Variants in PSG4 observed in about 807,000 individuals in gnomAD.
PSG4 encodes pregnancy specific beta-1-glycoprotein 4.
Under a neutral mutation model 44.3 loss-of-function variants are expected in PSG4, and 61 were observed. The observed-to-expected ratio is 1.38, with a 90% CI of 1.12 to 1.70. The LOEUF is 1.70. Ranked by LOEUF, PSG4 falls within the 40% of genes most tolerant of loss-of-function variation. PSG4 has a pLI of 0.00. For synonymous variants in PSG4, 248 were observed against 191.3 expected, an observed-to-expected ratio of 1.30 and a Z score of -2.45; for missense variants, 677 against 511.7, an observed-to-expected ratio of 1.32 and a Z score of -3.12.
chr19:43,195,054 C>A lies in PSG4; in HGVS notation c.929G>T (p.Cys310Phe). 3.1e-6 allele frequency: 5 copies of A among 1,611,894 alleles called. No homozygotes were observed. The South Asian group carries it at 4.4e-5, about 14-fold the overall frequency. Residue 310 changes from cysteine (C) to phenylalanine (F), a missense_variant, in exon 4 of 6, where the codon TGT becomes TTT. By Grantham distance (205) the Cys-to-Phe change is radical. Coordinates refer to ENST00000405312, the MANE Select transcript of PSG4 (RefSeq NM_002780.5). ...VTRNETGPYQ[C>F]EIRDRYGGIR... Reference sequence around the variant, plus strand: ...GCCACCATATCGGTCCCGTATTTCACATTGATAAGGTCCTGTTTCATTTCT... The same window carrying A: ...GCCACCATATCGGTCCCGTATTTCAAATTGATAAGGTCCTGTTTCATTTCT...
chr19:43,201,272 A>C (rs901257974), intron 2 of PSG4, among the ~76,000 whole-genome samples: 2 of 145,704 alleles, frequency 1.4e-5, no homozygotes, highest in African/African-American at 2.6e-5. Context: ...CCATAAAACT[A>C]ACACCCTTAC....
At chr19:43,198,454 C>G in intron 2 of PSG4, 179 bp from the exon 3 acceptor site, 1 of 1,157,774 alleles carries the variant, frequency 8.6e-7, no homozygotes, top group Non-Finnish European at 1.2e-6. Flanking sequence ...GATTGTGAGG[C>G]TGCCTGCTTT....
At chr19:43,200,614 T>C (rs1284494597) in intron 2 of PSG4, among the ~76,000 whole-genome samples, 15 of 144,828 alleles carry the variant, frequency 1.0e-4, no homozygotes, top group Non-Finnish European at 3.0e-5. Context: ...CTCGCTCTGT[T>C]GCCCAGGCTG....
Position 43,201,615 on chromosome 19 carries a change from C to T in PSG4, c.430+2271G>A, listed in dbSNP as rs1372681323. Among the ~76,000 whole-genome samples, 13 of 144,758 alleles carry T rather than the reference C, an allele frequency of 9.0e-5. 1 individual carries two copies. The highest frequency in any genetic ancestry group is 2.1e-4 in the Admixed American group (3 of 14,570). The allele number at this position is 144,758 out of a possible 152,430, so 95.0% of individuals were successfully genotyped here. A position where few individuals can be genotyped will look rare whatever the true frequency, so the allele number is the denominator to read the frequency against. On this transcript the variant is annotated intron_variant, in intron 2 of 5. Transcript: ENST00000405312. Reference sequence around the variant, plus strand: ...CACAAACAGATCATTTCCCTCCGCCCGCATGATTCCATCACCAAACAATCA... The same window carrying T: ...CACAAACAGATCATTTCCCTCCGCCTGCATGATTCCATCACCAAACAATCA...
In PSG4 at chr19:43,200,035, C is replaced by G. The variant is rs1599775462; in HGVS notation, c.431-1760G>C. Among the ~76,000 whole-genome samples, 3 of 145,372 alleles carry G rather than the reference C, an allele frequency of 2.1e-5. 1 individual carries two copies. The highest frequency in any genetic ancestry group is 4.5e-5 in the Non-Finnish European group (3 of 67,180). ...GTTATGTTAGTAAATATAGAAAGAA[C>G]TCCCTGCTTCTAATTTCTGTGCAGA... is the stretch of plus-strand genomic sequence containing the variant. On this transcript the variant is annotated intron_variant, in intron 2 of 5. Coordinates refer to ENST00000405312, the MANE Select transcript of PSG4 (RefSeq NM_002780.5).
intron 3 of PSG4, among the ~76,000 whole-genome samples, chr19:43,197,522 G>A (rs1380179816): frequency 1.4e-5 from 2 of 141,606 alleles, no homozygotes; most frequent in South Asian, 2.2e-4. Context: ...GAGTCTGTGA[G>A]GCAGGAGAGA....
intron 2 of PSG4, among the ~76,000 whole-genome samples, chr19:43,199,492 T>C (rs1967410340): frequency 6.9e-6 from 1 of 145,648 alleles, no homozygotes; most frequent in Admixed American, 6.8e-5. Flanking sequence ...TTTTGGAATA[T>C]TTGCAGTACA....
intron 1 of PSG4, among the ~76,000 whole-genome samples, chr19:43,205,111 C>CTTTTTTTTTTTCTTT (rs1967718283): frequency 2.2e-5 from 2 of 90,840 alleles, no homozygotes; most frequent in Admixed American, 2.5e-4. Flanking sequence ...TTCCTTTTTT[C>CTTTTTTTTTTTCTTT]TTTTTTTTTT....
Position 43,197,858 on chromosome 19 carries a change from G to A in PSG4, c.709+139C>T, listed in dbSNP as rs1437336524. On this transcript the variant is annotated intron_variant, in intron 3 of 5. Coordinates refer to ENST00000405312, the MANE Select transcript of PSG4 (RefSeq NM_002780.5). ...CCTAGGCCTACTCTGGTTTGCCTGGGGCAGAAAGTCATGGCCAGCTTTGAT... is the reference window on the plus strand; with the variant it reads ...CCTAGGCCTACTCTGGTTTGCCTGGAGCAGAAAGTCATGGCCAGCTTTGAT... 1.4e-5 allele frequency: 22 copies of A among 1,535,416 alleles called. 2 individuals are homozygous for A. The highest frequency in any genetic ancestry group is 1.9e-5 in the Non-Finnish European group (22 of 1,140,518).
In PSG4 at chr19:43,198,982, C is replaced by G. The variant is rs1423209364; in HGVS notation, c.431-707G>C. The G allele has an allele frequency of 2.0e-5, 3 of 146,392 alleles. 1 individual carries two copies. Among genetic ancestry groups the G allele is most frequent in the Non-Finnish European group, 4.4e-5 (3 of 67,610 alleles). The allele number at this position is 146,392 out of a possible 1,614,324, so 9.1% of individuals were successfully genotyped here. A position where few individuals can be genotyped will look rare whatever the true frequency, so the allele number is the denominator to read the frequency against. ...CAGGCAAGAGCTGATAGCTTTGGACCAAGACCATGTTCCGTGTTCTGGGTC... is the reference window on the plus strand; with the variant it reads ...CAGGCAAGAGCTGATAGCTTTGGACGAAGACCATGTTCCGTGTTCTGGGTC... On this transcript the variant is annotated intron_variant, in intron 2 of 5. Coordinates refer to ENST00000405312, the MANE Select transcript of PSG4 (RefSeq NM_002780.5).
rs540660899 is a variant in PSG4 at position 43,195,025 on chromosome 19, G to A, written c.958C>T (p.Arg320Cys). ...ACATTCAGGGTGACTGGGTCACTGC[G>A]GATGCCACCATATCGGTCCCGTATT... is the stretch of plus-strand genomic sequence containing the variant. The part of the protein sequence containing the change: ...CEIRDRYGGI[R>C]SDPVTLNVLY... The change falls in exon 4 of 6, where the codon CGC (arginine) becomes TGC (cysteine). Residue 320 changes from arginine (R) to cysteine (C), a missense_variant. By Grantham distance (180) the Arg-to-Cys change is radical. Coordinates refer to ENST00000405312, the MANE Select transcript of PSG4 (RefSeq NM_002780.5). 3.5e-5 allele frequency: 57 copies of A among 1,611,890 alleles called. 1 individual carries two copies. In the Middle Eastern group the frequency reaches 6.8e-4, roughly 19 times the overall value.
rs201224923 is a variant in PSG4 at position 43,195,081 on chromosome 19, G to T, written c.902C>A (p.Thr301Lys). 1.9e-6 allele frequency: 3 copies of T among 1,611,228 alleles called. No homozygotes were observed. Among genetic ancestry groups the T allele is most frequent in the East Asian group, 2.2e-5 (1 of 44,866 alleles). Residue 301 changes from threonine to lysine, a missense_variant, in exon 4 of 6, where the codon ACG becomes AAG. By Grantham distance (78) the Thr-to-Lys change is moderately conservative (BLOSUM62 -1). Coordinates refer to ENST00000405312, the MANE Select transcript of PSG4 (RefSeq NM_002780.5). ...TTGATAAGGTCCTGTTTCATTTCTC[G>T]TGACATTGGGTAGAATGAGGATCCT... ...ENRILILPNV[T>K]RNETGPYQCE...
At chr19:43,195,874 G>T (rs947139229) in intron 3 of PSG4, among the ~76,000 whole-genome samples, 6 of 150,334 alleles carry the variant, frequency 4.0e-5, no homozygotes, top group African/African-American at 1.5e-4. Flanking sequence ...GCAGTGTTTT[G>T]CAGGTGTTTC....
At chr19:43,194,287 C>T (rs1967129562) in intron 5 of PSG4, 53 bp downstream of exon 5, 1 of 1,611,048 alleles carries the variant, frequency 6.2e-7, no homozygotes, top group Admixed American at 1.7e-5. Flanking sequence ...TCCCTGAATG[C>T]CAGATAGACT....
intron 3 of PSG4, among the ~76,000 whole-genome samples, chr19:43,196,076 T>C (rs947168951): frequency 6.6e-6 from 1 of 151,540 alleles, no homozygotes; most frequent in African/African-American, 2.4e-5. Context: ...CAGAAATACA[T>C]ATGGACATTT....
rs762878954 is a variant in PSG4 at position 43,198,301 on chromosome 19, GC to G, written c.431-27del. 3.6e-5 allele frequency: 57 copies of G among 1,567,126 alleles called. 5 individuals are homozygous for G. Among genetic ancestry groups the G allele is most frequent in the Non-Finnish European group, 4.5e-5 (52 of 1,162,146 alleles). On this transcript the variant is annotated intron_variant, in intron 2 of 5. Coordinates refer to ENST00000405312, the MANE Select transcript of PSG4 (RefSeq NM_002780.5). ...CTGTGCAGAAAACAGAGAGAGGTTT[GC>G]CCTGTGTGGCATCTTTGATTCTTCC...
chr19:43,204,139 G>A lies in PSG4; in HGVS notation c.177C>T (p.Pro59=), dbSNP rs377065527. Residue 59 remains proline, a synonymous_variant, in exon 2 of 6, where the codon CCC becomes CCT. Transcript: ENST00000405312. Reference sequence around the variant, plus strand: ...ACCAAATGTAGCCAGCAAGATTCTGGGGCAAATTGTGGACAAGTAGAAGAA... The same window carrying A: ...ACCAAATGTAGCCAGCAAGATTCTGAGGCAAATTGTGGACAAGTAGAAGAA... ...KDVLLLVHNL[P]QNLAGYIWYK... is the part of the protein sequence containing the mutation. The A allele has an allele frequency of 2.0e-5, 32 of 1,587,212 alleles. 4 individuals carry two copies. In the African/African-American group the frequency reaches 3.3e-4, roughly 16 times the overall value.
At chr19:43,203,706 A>C (rs1967622778) in intron 2 of PSG4, 180 bp downstream of exon 2, 1 of 1,187,906 alleles carries the variant, frequency 8.4e-7, no homozygotes, top group South Asian at 1.5e-5. Context: ...AATGCGGGAA[A>C]GGAATTCTGA....
Position 43,204,487 on chromosome 19 carries a change from T to G in PSG4, c.65-236A>C, listed in dbSNP as rs755921394. 80 of 604,822 alleles carry G rather than the reference T, an allele frequency of 1.3e-4. 5 individuals are homozygous for G. The highest frequency in any genetic ancestry group is 9.7e-4 in the Middle Eastern group (2 of 2,072). The allele number at this position is 604,822 out of a possible 1,614,324, so 37.5% of individuals were successfully genotyped here. On this transcript the variant is annotated intron_variant, in intron 1 of 5. Coordinates refer to ENST00000405312, the MANE Select transcript of PSG4 (RefSeq NM_002780.5). ...ACACTTCTGACCTTGGCATTTTTCT[T>G]TTTGGATTCCTCTTCCCCAGGGGTC...
Sources: allele counts gnomAD v4.1 joint callset (sites outside exome capture counted in the v4.1 genomes callset), GRCh38; gene constraint gnomAD v4.1.1; transcripts MANE v1.5; gene names NCBI Gene and HGNC (gene_info 2026-07-23, HGNC 2026-07-21).